RNASET2: variants seen among roughly 807,000 people sequenced by gnomAD.
RNASET2 encodes ribonuclease T2.
RNASET2 carries 28 observed loss-of-function variants against 33.9 expected under a neutral mutation model. The ratio of observed to expected loss-of-function variants is 0.83; its 90% confidence interval spans 0.61 to 1.13. The LOEUF (loss-of-function observed/expected upper bound fraction) is 1.13. Ranked by LOEUF, RNASET2 falls within the 50% of genes most tolerant of loss-of-function variation. RNASET2 has a pLI of 0.00. For missense variants in RNASET2, 330 were observed against 319.9 expected, an observed-to-expected ratio of 1.03 and a Z score of -0.24; for synonymous variants, 123 against 121.0, an observed-to-expected ratio of 1.02 and a Z score of -0.11.
rs1232905323 is a variant in RNASET2 at position 166,955,381 on chromosome 6, G to GCGCACACACACGCA, written c.86+715_86+716insTGCGTGTGTGTGCG. 24 of 249,828 alleles carry GCGCACACACACGCA rather than the reference G, an allele frequency of 9.6e-5. No homozygotes were observed. The African/African-American group carries it at 2.2e-3, about 23-fold the overall frequency. The allele number at this position is 249,828 out of a possible 1,614,324, so 15.5% of individuals were successfully genotyped here. On this transcript the variant is annotated intron_variant, in intron 1 of 8. Coordinates refer to ENST00000508775, the MANE Select transcript of RNASET2 (RefSeq NM_003730.6). ...CACACACGCACACACAAACGCACAC[G>GCGCACACACACGCA]CACACACACACACGCGCACACACAC... is the stretch of plus-strand genomic sequence containing the variant.
rs1778293979 is a variant in RNASET2 at position 166,925,629 on chromosome 6, T to A, written c.*3959A>T. On this transcript the variant is annotated 3_prime_UTR_variant, in exon 9 of 9. Coordinates refer to ENST00000508775, the MANE Select transcript of RNASET2 (RefSeq NM_003730.6). ...GCATCTACACTGTACGGCCCTCCCCTGTGCCATCCAGCTGGCATCTTCTAT... is the reference window on the plus strand; with the variant it reads ...GCATCTACACTGTACGGCCCTCCCCAGTGCCATCCAGCTGGCATCTTCTAT... Among the ~76,000 whole-genome samples, 1 of 152,212 alleles carries A rather than the reference T, an allele frequency of 6.6e-6. No individual in the cohort carries two copies. The highest frequency in any genetic ancestry group is 2.4e-5 in the African/African-American group (1 of 41,452).
chr6:166,936,350 CGTGTGTGTGT>C, intron 6 of RNASET2, among the ~76,000 whole-genome samples: 1 of 149,390 alleles, frequency 6.7e-6, no homozygotes, highest in Non-Finnish European at 1.5e-5. Flanking sequence ...TTGCATGTGT[CGTGTGTGTGT>C]GTGTGTGTGT....
chr6:166,951,654 T>C (rs1778987991), intron 2 of RNASET2, among the ~76,000 whole-genome samples: 1 of 152,276 alleles, frequency 6.6e-6, no homozygotes, highest in African/African-American at 2.4e-5. Flanking sequence ...TGGTTTTTCC[T>C]AGGCTGTAAT....
chr6:166,922,304 C>A lies in RNASET2; in HGVS notation c.*7284G>T, dbSNP rs937146855. 8.5e-5 allele frequency among the ~76,000 whole-genome samples: 13 copies of A among 152,262 alleles called. No individual in the cohort carries two copies. Among genetic ancestry groups the A allele is most frequent in the African/African-American group, 2.2e-4 (9 of 41,542 alleles). On this transcript the variant is annotated 3_prime_UTR_variant, in exon 9 of 9. Transcript: ENST00000508775. ...CGCGGTGATCTGAGTTATAGTAAAG[C>A]CTGTTTCGTTGGTGTTTGCCTGATA...
chr6:166,940,844 T>C (rs1778676171), intron 5 of RNASET2, among the ~76,000 whole-genome samples: 2 of 151,324 alleles, frequency 1.3e-5, no homozygotes, highest in Admixed American at 6.6e-5. Context: ...CAAGAGCAGA[T>C]GCAGCCAGGA....
At chr6:166,948,347 G>GAAAAA in intron 3 of RNASET2, 1 of 504,852 alleles carries the variant, frequency 2.0e-6, no homozygotes, top group African/African-American at 2.5e-5. Context: ...CTCTGTCTCA[G>GAAAAA]AAAAAAAAAA....
chr6:166,955,848 C>G, intron 1 of RNASET2: 1 of 845,328 alleles, frequency 1.2e-6, no homozygotes, highest in Non-Finnish European at 1.4e-6. Context: ...GCACTCCTTC[C>G]CAGAGGTCAC....
chr6:166,946,935 A>T (rs752575158), intron 3 of RNASET2, 196 bp from the exon 4 acceptor site: 1 of 646,888 alleles, frequency 1.5e-6, no homozygotes, highest in South Asian at 1.6e-5. Context: ...AAATTTCTTT[A>T]GAAGGGAAAA....
chr6:166,931,977 G>A (rs543408465), intron 7 of RNASET2: 1 of 153,222 alleles, frequency 6.5e-6, no homozygotes, highest in African/African-American at 2.4e-5. Context: ...TCCATTGGAA[G>A]CTATCTTTTC....
intron 2 of RNASET2, among the ~76,000 whole-genome samples, chr6:166,950,221 TTCCGTAGGAACCAAGGAC>T (rs1778950638): frequency 7.1e-6 from 1 of 140,012 alleles, no homozygotes; most frequent in African/African-American, 3.0e-5. Context: ...ACGGTCCTTC[TTCCGTAGGAACCAAGGAC>T]TCCAGCAATC....
At position 166,923,417 on chromosome 6, in the gene RNASET2, G is replaced by A. The variant is rs186147489; in HGVS notation, c.*6171C>T. ...GTATTTTTAGTAGAGATAGGGTTTC[G>A]TCCTGTTGGCCAGGGTGGTCTTGAA... On this transcript the variant is annotated 3_prime_UTR_variant, in exon 9 of 9. Transcript: ENST00000508775. 4.6e-5 allele frequency among the ~76,000 whole-genome samples: 7 copies of A among 151,678 alleles called. No homozygotes were observed. Among genetic ancestry groups the A allele is most frequent in the South Asian group, 2.1e-4 (1 of 4,800 alleles).
intron 3 of RNASET2, among the ~76,000 whole-genome samples, chr6:166,947,128 G>A (rs760138976): frequency 1.7e-4 from 26 of 151,914 alleles, no homozygotes; most frequent in Non-Finnish European, 2.9e-4. Context: ...GCCAATCTCC[G>A]CACCACAGAT....
At chr6:166,941,592 C>T (rs191997685) in intron 5 of RNASET2, among the ~76,000 whole-genome samples, 50 of 152,306 alleles carry the variant, frequency 3.3e-4, no homozygotes, top group South Asian at 2.1e-3. Flanking sequence ...GGTGATTCAA[C>T]GCACAGACTG....
Position 166,927,249 on chromosome 6 carries a change from T to C in RNASET2, c.*2339A>G, listed in dbSNP as rs896989558. 2.0e-5 allele frequency among the ~76,000 whole-genome samples: 3 copies of C among 152,160 alleles called. No homozygotes were observed. Among genetic ancestry groups the C allele is most frequent in the Non-Finnish European group, 4.4e-5 (3 of 68,026 alleles). ...CTGCGGCTCATAAGTGCCTTATACT[T>C]ACATGATCTGAGGCAGGTTATCAAA... On this transcript the variant is annotated 3_prime_UTR_variant, in exon 9 of 9. Coordinates refer to ENST00000508775, the MANE Select transcript of RNASET2 (RefSeq NM_003730.6).
In RNASET2 at chr6:166,938,818, C is replaced by A. The variant is rs184584901; in HGVS notation, c.446+77G>T. ...GGGCAGTGAGGTCTACACCCACTCC[C>A]CTGGATCCAGCTGTCAGGCTTGGGC... On this transcript the variant is annotated intron_variant, in intron 6 of 8. Transcript: ENST00000508775. 3.1e-3 allele frequency: 3,200 copies of A among 1,027,734 alleles called. 26 individuals carry two copies. Among genetic ancestry groups the A allele is most frequent in the Middle Eastern group, 0.015 (73 of 4,930 alleles). 63.7% of individuals were successfully genotyped at this position (1,027,734 alleles called of 1,614,324 possible). A position where few individuals can be genotyped will look rare whatever the true frequency, so the allele number is the denominator to read the frequency against.
At chr6:166,947,827 C>T (rs373019768) in intron 3 of RNASET2, among the ~76,000 whole-genome samples, 3 of 152,160 alleles carry the variant, frequency 2.0e-5, no homozygotes, top group Non-Finnish European at 4.4e-5. Flanking sequence ...TTAATGTGCA[C>T]AGTTCAGCGT....
At chr6:166,950,393 G>A (rs1449366638) in intron 2 of RNASET2, among the ~76,000 whole-genome samples, 4 of 152,226 alleles carry the variant, frequency 2.6e-5, no homozygotes, top group Admixed American at 1.3e-4. Context: ...AACTGAAAAC[G>A]GGGCAATCTC....
chr6:166,950,523 G>A (rs1350633120), intron 2 of RNASET2, among the ~76,000 whole-genome samples: 1 of 152,264 alleles, frequency 6.6e-6, no homozygotes, highest in African/African-American at 2.4e-5. Flanking sequence ...AGTGCTAGAG[G>A]CAAAACATAA....
chr6:166,956,477 G>T lies in RNASET2; in HGVS notation c.-295C>A. ...GCGCGCACGTCCCGGGCTCTGCTTC[G>T]CGACCCACAGCGACCCCAGCTCCTC... On this transcript the variant is annotated 5_prime_UTR_variant, in exon 1 of 9. Transcript: ENST00000508775. 1 of 450,354 alleles carries T rather than the reference G, an allele frequency of 2.2e-6. No individual in the cohort carries two copies. Among genetic ancestry groups the T allele is most frequent in the Non-Finnish European group, 4.0e-6 (1 of 249,214 alleles). The allele number at this position is 450,354 out of a possible 1,614,324, so 27.9% of individuals were successfully genotyped here.
Sources: gnomAD v4.1 joint callset for allele counts (sites outside exome capture counted in the v4.1 genomes callset) on GRCh38, gnomAD v4.1.1 for gene constraint, MANE v1.5 for transcripts, NCBI Gene and HGNC (gene_info 2026-07-23, HGNC 2026-07-21) for gene names.